SEMA6D: variants seen among roughly 807,000 people sequenced by gnomAD.
SEMA6D encodes semaphorin-6D.
A neutral mutation model predicts 106.6 loss-of-function variants in SEMA6D; 35 were observed. The observed-to-expected ratio is 0.33, with a 90% CI of 0.25 to 0.44. The LOEUF is 0.44. Ranked by LOEUF, SEMA6D falls within the 20% of genes least tolerant of loss-of-function variation. The probability of loss-of-function intolerance (pLI) is 1.00; values close to 1 mark genes in which losing one functional copy is unlikely to be tolerated. For synonymous variants in SEMA6D, 499 were observed against 487.7 expected, an observed-to-expected ratio of 1.02 and a Z score of -0.31; for missense variants, 1,185 against 1,345.9, an observed-to-expected ratio of 0.88 and a Z score of 1.87.
chr15:47,575,870 T>C (rs548525409), intron 3 of SEMA6D, among the ~76,000 whole-genome samples: 189 of 152,348 alleles, frequency 1.2e-3, no homozygotes, highest in Middle Eastern at 6.8e-3. Context: ...CTTTAAAAAT[T>C]AACACAAATG....
At chr15:47,191,408 A>G (rs1893950824) in intron 1 of SEMA6D, among the ~76,000 whole-genome samples, 1 of 152,172 alleles carries the variant, frequency 6.6e-6, no homozygotes. Flanking sequence ...ACACTTTTGA[A>G]TAATTTGTTC....
chr15:47,557,723 A>T (rs1229095314), intron 3 of SEMA6D, among the ~76,000 whole-genome samples: 1 of 152,166 alleles, frequency 6.6e-6, no homozygotes, highest in Non-Finnish European at 1.5e-5. Context: ...GTTAGTTTTG[A>T]ATCTACTTCC....
intron 1 of SEMA6D, among the ~76,000 whole-genome samples, chr15:47,304,931 C>G (rs977684205): frequency 6.6e-6 from 1 of 152,158 alleles, no homozygotes; most frequent in South Asian, 2.1e-4. Context: ...TGAAGCAAAG[C>G]TGAAAGACTC....
At chr15:47,525,239 A>G (rs1322183424) in intron 3 of SEMA6D, 1 of 152,238 alleles carries the variant, frequency 6.6e-6, no homozygotes, top group East Asian at 1.9e-4. Flanking sequence ...GGTAGCAAGA[A>G]TAAGAGATTT....
chr15:47,745,004 T>C (rs183810489), intron 1 of SEMA6D, among the ~76,000 whole-genome samples: 2 of 152,312 alleles, frequency 1.3e-5, no homozygotes, highest in African/African-American at 4.8e-5. Context: ...CCTTAGAGGC[T>C]GAGTTAAGAG....
chr15:47,747,920 C>A (rs1448853963), intron 1 of SEMA6D, among the ~76,000 whole-genome samples: 3 of 152,220 alleles, frequency 2.0e-5, no homozygotes, highest in South Asian at 2.1e-4. Context: ...AGTGAAGAGT[C>A]ACATAGGATT....
intron 2 of SEMA6D, among the ~76,000 whole-genome samples, chr15:47,469,719 A>G (rs1028990370): frequency 1.3e-5 from 2 of 152,134 alleles, no homozygotes; most frequent in African/African-American, 4.8e-5. Flanking sequence ...TTTAGCTTCC[A>G]ATCTCCCAGG....
At chr15:47,606,214 A>C (rs1289316272) in intron 4 of SEMA6D, 1 of 152,184 alleles carries the variant, frequency 6.6e-6, no homozygotes, top group Non-Finnish European at 1.5e-5. Context: ...TATAACCCTA[A>C]ATGGCATCCC....
intron 3 of SEMA6D, among the ~76,000 whole-genome samples, chr15:47,523,444 A>G (rs1377946296): frequency 6.6e-6 from 1 of 151,988 alleles, no homozygotes; most frequent in Non-Finnish European, 1.5e-5. Flanking sequence ...GACAGGAAGA[A>G]CAGTTGGGAA....
rs372486150 is a variant in SEMA6D at position 47,733,138 on chromosome 15, G to A, written c.-55+15446G>A. Among the ~76,000 whole-genome samples the A allele has an allele frequency of 1.1e-4, 16 of 152,222 alleles. No homozygotes were observed. The East Asian group carries it at 2.7e-3, about 26-fold the overall frequency. On this transcript the variant is annotated intron_variant, in intron 1 of 18. Coordinates refer to ENST00000536845, the MANE Select transcript of SEMA6D (RefSeq NM_001358351.3). ...AAAGCTAAAGTTTCGTAGTGTTTCTGTTACATGTGATAAATTCTGTATCTA... is the reference window on the plus strand; with the variant it reads ...AAAGCTAAAGTTTCGTAGTGTTTCTATTACATGTGATAAATTCTGTATCTA...
At chr15:47,287,316 A>G (rs1455364855) in intron 1 of SEMA6D, among the ~76,000 whole-genome samples, 1 of 152,226 alleles carries the variant, frequency 6.6e-6, no homozygotes, top group African/African-American at 2.4e-5. Context: ...GTGGCTGATT[A>G]GTTACTGCAG....
intron 3 of SEMA6D, among the ~76,000 whole-genome samples, chr15:47,474,904 G>A (rs17527773): frequency 0.29 from 44,430 of 152,030 alleles, 6,615 homozygotes; most frequent in Middle Eastern, 0.45. Flanking sequence ...ACGATGTTGC[G>A]GCACGATTTC....
At chr15:47,187,140 G>A (rs1432809239) in intron 1 of SEMA6D, among the ~76,000 whole-genome samples, 1 of 152,074 alleles carries the variant, frequency 6.6e-6, no homozygotes, top group Non-Finnish European at 1.5e-5. Flanking sequence ...TGGAAAGGGG[G>A]CATAGAAAAT....
At chr15:47,674,706 G>A (rs181609838) in intron 4 of SEMA6D, among the ~76,000 whole-genome samples, 30 of 152,262 alleles carry the variant, frequency 2.0e-4, no homozygotes, top group African/African-American at 6.5e-4. Flanking sequence ...AGCAAGCTTA[G>A]GGGAAAGGGC....
At chr15:47,276,360 G>A (rs1341369015) in intron 1 of SEMA6D, among the ~76,000 whole-genome samples, 1 of 152,068 alleles carries the variant, frequency 6.6e-6, no homozygotes, top group Non-Finnish European at 1.5e-5. Context: ...CATAGCTAGA[G>A]AGGAGAAGTT....
chr15:47,688,109 A>G (rs569554531), intron 4 of SEMA6D, among the ~76,000 whole-genome samples: 88 of 152,318 alleles, frequency 5.8e-4, no homozygotes, highest in Non-Finnish European at 1.1e-3. Flanking sequence ...AAATGAGACA[A>G]GAGAATTAGA....
At chr15:47,480,792 C>A (rs1456112027) in intron 3 of SEMA6D, among the ~76,000 whole-genome samples, 1 of 152,130 alleles carries the variant, frequency 6.6e-6, no homozygotes, top group Non-Finnish European at 1.5e-5. Flanking sequence ...TCTTTGTATC[C>A]TTGTAACAAA....
At chr15:47,578,514 C>A (rs1413838094) in intron 3 of SEMA6D, among the ~76,000 whole-genome samples, 1 of 152,134 alleles carries the variant, frequency 6.6e-6, no homozygotes, top group Non-Finnish European at 1.5e-5. Context: ...TTGATCTAAC[C>A]AAATGATCTA....
chr15:47,220,814 C>T (rs945726168), intron 1 of SEMA6D, among the ~76,000 whole-genome samples: 2 of 152,106 alleles, frequency 1.3e-5, no homozygotes, highest in South Asian at 2.1e-4. Flanking sequence ...CTAGAAAATT[C>T]GAAAGAAGCA....
Sources: allele counts gnomAD v4.1 joint callset (sites outside exome capture counted in the v4.1 genomes callset), GRCh38; gene constraint gnomAD v4.1.1; transcripts MANE v1.5; gene names NCBI Gene and HGNC (gene_info 2026-07-23, HGNC 2026-07-21).